The following MAP4 variants were observed in gnomAD, a reference collection of about 807,000 sequenced individuals.
The protein encoded by MAP4 is microtubule-associated protein 4.
MAP4 carries 76 observed loss-of-function variants against 170.2 expected under a neutral mutation model. That is an observed-to-expected ratio of 0.45 (90% CI 0.37 to 0.54). MAP4 has a LOEUF of 0.54. Among genes scored for constraint, MAP4 ranks in the 20% least tolerant of loss-of-function variants. MAP4 has a pLI of 0.00. For missense variants in MAP4, 2,506 were observed against 2,748.0 expected, an observed-to-expected ratio of 0.91 and a Z score of 1.97; for synonymous variants, 909 against 994.5, an observed-to-expected ratio of 0.91 and a Z score of 1.62.
In MAP4 at chr3:47,909,484, G is replaced by T. The variant is rs762787802; in HGVS notation, c.4937C>A (p.Ser1646Tyr). ...CTTATTCAAACTATCTGAACCTTTG[G>T]AATTTCTATCTTGAGCATTTTGGTC... is the stretch of plus-strand genomic sequence containing the variant. ...CEDQNAQDRN[S>Y]KGSDSLNKKV... The change falls in exon 9 of 21, where the codon TCC becomes TAC. Residue 1646 changes from serine to tyrosine, a missense_variant. This residue lies in a region of MAP4 where 2,008 missense variants were observed against 2,206.0 expected (regional missense o/e 0.91). Transcript: ENST00000683076. The T allele has an allele frequency of 6.2e-7, 1 of 1,613,748 alleles. No homozygotes were observed. Among genetic ancestry groups the T allele is most frequent in the South Asian group, 1.1e-5 (1 of 91,066 alleles).
In MAP4 at chr3:47,993,429, C is replaced by T. The variant is rs529261256; in HGVS notation, c.223+5209G>A. 4.6e-5 allele frequency among the ~76,000 whole-genome samples: 7 copies of T among 152,300 alleles called. 1 individual carries two copies. In the South Asian group the frequency reaches 1.5e-3, roughly 32 times the overall value. On this transcript the variant is annotated intron_variant, in intron 2 of 20. Coordinates refer to ENST00000683076, the MANE Select transcript of MAP4 (RefSeq NM_001385682.1). ...CAATTTGAGAGGAAAAAAGAATGAT[C>T]TAATTGAAGAGGATTGACAATTAGC... is the stretch of plus-strand genomic sequence containing the variant.
chr3:47,954,961 T>G (rs575572986), intron 3 of MAP4, among the ~76,000 whole-genome samples: 1 of 152,130 alleles, frequency 6.6e-6, no homozygotes, highest in Non-Finnish European at 1.5e-5. Context: ...CCCCTAGAAC[T>G]TACCCTCCCT....
chr3:48,015,617 C>T (rs1382991689), intron 1 of MAP4, among the ~76,000 whole-genome samples: 1 of 152,018 alleles, frequency 6.6e-6, no homozygotes, highest in Non-Finnish European at 1.5e-5. Context: ...ACTTTATTAC[C>T]CAGATTTGTT....
chr3:47,918,766 G>A lies in MAP4; in HGVS notation c.605C>T (p.Ser202Phe). ...TGCAACAGCCTCTGGGGAAACAAAG[G>A]ACTCTGAGTGTGGAGAGTTTAAGGC... is the stretch of plus-strand genomic sequence containing the variant. ...VEALNSPHSESFVSPEAVAEP... is the reference protein window; with the variant it reads ...VEALNSPHSEFFVSPEAVAEP... Residue 202 changes from serine (S) to phenylalanine (F), a missense_variant, in exon 6 of 21, where the codon TCC becomes TTC. By Grantham distance (155) the Ser-to-Phe change is radical. Around this residue, in one of 3 missense-constraint regions of MAP4, gnomAD observed 2,008 missense variants for 2,206.0 expected, o/e 0.91. Coordinates refer to ENST00000683076, the MANE Select transcript of MAP4 (RefSeq NM_001385682.1). 6.2e-7 allele frequency: 1 copy of A among 1,611,258 alleles called. No homozygotes were observed. The highest frequency in any genetic ancestry group is 8.5e-7 in the Non-Finnish European group (1 of 1,177,452).
At chr3:47,971,131 C>T (rs1327515015) in intron 3 of MAP4, among the ~76,000 whole-genome samples, 1 of 152,190 alleles carries the variant, frequency 6.6e-6, no homozygotes, top group Non-Finnish European at 1.5e-5. Flanking sequence ...TGTTAATTTG[C>T]TGATGTGTCT....
intron 3 of MAP4, among the ~76,000 whole-genome samples, chr3:47,963,320 A>T (rs1417122223): frequency 6.6e-6 from 1 of 152,232 alleles, no homozygotes; most frequent in Non-Finnish European, 1.5e-5. Context: ...ATCATCTTAC[A>T]TTTAAATATT....
chr3:47,852,971 G>T, intron 20 of MAP4, 33 bp from the exon 21 acceptor site: 1 of 1,614,104 alleles, frequency 6.2e-7, no homozygotes, highest in Non-Finnish European at 8.5e-7. Flanking sequence ...AAGGGAGAGG[G>T]GAACAGGGGA....
intron 1 of MAP4, among the ~76,000 whole-genome samples, chr3:48,005,353 C>T (rs1305404231): frequency 2.6e-5 from 4 of 151,562 alleles, no homozygotes; most frequent in African/African-American, 9.7e-5. Context: ...GAACGAGACT[C>T]CCTCTAAGAA....
intron 1 of MAP4, among the ~76,000 whole-genome samples, chr3:48,067,391 C>A (rs1579760172): frequency 6.6e-6 from 1 of 152,052 alleles, no homozygotes; most frequent in East Asian, 1.9e-4. Flanking sequence ...TGCAGTGGTG[C>A]AATCATGGCT....
intron 3 of MAP4, chr3:47,973,030 T>C (rs2100079703): frequency 1.0e-6 from 1 of 985,146 alleles, no homozygotes; most frequent in African/African-American, 1.7e-5. Flanking sequence ...AACTTGTGTT[T>C]TAGTAACATT....
intron 10 of MAP4, among the ~76,000 whole-genome samples, chr3:47,889,301 A>C (rs964439129): frequency 1.3e-5 from 2 of 152,224 alleles, no homozygotes; most frequent in African/African-American, 4.8e-5. Context: ...TCTTTGTTTA[A>C]TATGAGTTCC....
Position 47,851,931 on chromosome 3 carries a change from C to T in MAP4, c.*1003G>A, listed in dbSNP as rs1439624429. 1.3e-5 allele frequency: 2 copies of T among 152,214 alleles called. No individual in the cohort carries two copies. The highest frequency in any genetic ancestry group is 4.8e-5 in the African/African-American group (2 of 41,446). 9.4% of individuals were successfully genotyped at this position (152,214 alleles called of 1,614,324 possible). ...GGCTTTTTATCCTAGGGCTGACCAC[C>T]AGATCCCAGGGAATGGGACAGAGAT... On this transcript the variant is annotated 3_prime_UTR_variant, in exon 21 of 21. Coordinates refer to ENST00000683076, the MANE Select transcript of MAP4 (RefSeq NM_001385682.1).
rs2100034915 is a variant in MAP4, at chr3:47,909,619, T to C, written c.4802A>G (p.Asn1601Ser). The C allele has an allele frequency of 1.2e-6, 2 of 1,613,706 alleles. No individual in the cohort carries two copies. The highest frequency in any genetic ancestry group is 1.3e-5 in the African/African-American group (1 of 75,026). Residue 1601 changes from asparagine to serine, a missense_variant, in exon 9 of 21, where the codon AAT becomes AGT. Asn to Ser is a conservative substitution (Grantham distance 46, BLOSUM62 1). Transcript: ENST00000683076. Reference protein sequence around the residue: ...RALEGYADRGNFPAHPVNEEK... With the variant: ...RALEGYADRGSFPAHPVNEEK... ...TTCATTCACTGGATGTGCTGGGAAA[T>C]TACCTCTATCTGCATATCCTTCTAG...
chr3:47,896,960 T>G (rs2153220627), intron 10 of MAP4, among the ~76,000 whole-genome samples: 1 of 152,198 alleles, frequency 6.6e-6, no homozygotes, highest in South Asian at 2.1e-4. Flanking sequence ...ACCCCTCATT[T>G]TATAGAGGAA....
Position 48,057,610 on chromosome 3 carries a change from A to T in MAP4, c.-20+31163T>A, listed in dbSNP as rs7646406. ...GAAACACCCAAGAATTATCAATAAAAAAATAAATAAATAAATAAATAAAAA... is the reference window on the plus strand; with the variant it reads ...GAAACACCCAAGAATTATCAATAAATAAATAAATAAATAAATAAATAAAAA... On this transcript the variant is annotated intron_variant, in intron 1 of 18. Coordinates refer to the MAP4 transcript ENST00000360240. Among the ~76,000 whole-genome samples the T allele has an allele frequency of 3.9e-3, 493 of 127,130 alleles. 1 individual carries two copies. The highest frequency in any genetic ancestry group is 0.014 in the African/African-American group (473 of 34,996). 83.4% of individuals were successfully genotyped at this position (127,130 alleles called of 152,430 possible).
chr3:47,853,376 C>T (rs1445067968), intron 19 of MAP4, 24 bp from the exon 20 acceptor site: 2 of 1,565,678 alleles, frequency 1.3e-6, no homozygotes, highest in Non-Finnish European at 8.7e-7. Flanking sequence ...GTGGGGGAGA[C>T]AGTGCAGGGT....
intron 1 of MAP4, among the ~76,000 whole-genome samples, chr3:48,035,398 C>T (rs1301810994): frequency 2.0e-5 from 3 of 151,876 alleles, no homozygotes; most frequent in Non-Finnish European, 2.9e-5. Flanking sequence ...CTTTGGGAGG[C>T]CGATGAGGGA....
intron 3 of MAP4, among the ~76,000 whole-genome samples, chr3:47,955,449 C>CGT (rs1317248724): frequency 3.0e-4 from 45 of 148,348 alleles, no homozygotes; most frequent in African/African-American, 1.2e-3. Flanking sequence ...CACACACACA[C>CGT]ACACACACAC....
At chr3:48,001,686 G>T (rs997533113) in intron 1 of MAP4, among the ~76,000 whole-genome samples, 70 of 152,000 alleles carry the variant, frequency 4.6e-4, no homozygotes, top group African/African-American at 1.4e-3. Flanking sequence ...TTTTAGTAGA[G>T]ACAGGGTGCC....
Sources: allele counts gnomAD v4.1 joint callset (sites outside exome capture counted in the v4.1 genomes callset), GRCh38; gene constraint gnomAD v4.1.1; regional missense constraint gnomAD v4.1.1; transcripts MANE v1.5; gene names NCBI Gene and HGNC (gene_info 2026-07-23, HGNC 2026-07-21).